The following GIN1 variants were observed in gnomAD, a reference collection of about 807,000 sequenced individuals.
GIN1 encodes the protein gypsy retrotransposon integrase-like protein 1.
Under a neutral mutation model 51.4 loss-of-function variants are expected in GIN1, and 41 were observed. The ratio of observed to expected loss-of-function variants is 0.80; its 90% CI spans 0.62 to 1.04. The LOEUF (loss-of-function observed/expected upper bound fraction) is 1.04. Among genes scored for constraint, GIN1 ranks in the 50% least tolerant of loss-of-function variants. The probability of loss-of-function intolerance (pLI) is 0.00; values close to 1 mark genes in which losing one functional copy is unlikely to be tolerated. For missense variants in GIN1, 610 were observed against 612.4 expected (o/e 1.00, Z 0.04); for synonymous variants, 222 against 206.5 (o/e 1.07, Z -0.64).
chr5:103,098,399 A>G (rs1169717031), intron 4 of GIN1, among the ~76,000 whole-genome samples: 1 of 152,214 alleles, frequency 6.6e-6, no homozygotes, highest in African/African-American at 2.4e-5. Context: ...TGAGAGATTA[A>G]GTGCCTTGCC....
Position 103,097,622 on chromosome 5 carries a change from C to A in GIN1, c.799G>T (p.Ala267Ser). 6.2e-7 allele frequency: 1 copy of A among 1,611,544 alleles called. No homozygotes were observed. The highest frequency in any genetic ancestry group is 2.2e-5 in the East Asian group (1 of 44,832). The change falls in exon 5 of 8, where the codon GCT becomes TCT. Residue 267 changes from alanine (A) to serine (S), a missense_variant. Coordinates refer to ENST00000399004, the MANE Select transcript of GIN1 (RefSeq NM_017676.2). ...HPNNWDDHLS[A>S]VSFAFNVTHL... ...GTTACATTGAAGGCAAATGAAACAG[C>A]TGATAGGTGATCATCCCAATTGTTT...
chr5:103,096,438 G>A, intron 7 of GIN1, 103 bp downstream of exon 7: 2 of 857,916 alleles, frequency 2.3e-6, no homozygotes, highest in Non-Finnish European at 3.7e-6. Context: ...TTATGAAGAA[G>A]GGAAAAGAAA....
intron 1 of GIN1, among the ~76,000 whole-genome samples, chr5:103,113,797 C>T (rs1366920505): frequency 1.3e-5 from 2 of 152,120 alleles, no homozygotes; most frequent in African/African-American, 2.4e-5. Flanking sequence ...GCTGGGCTTA[C>T]AGGTGTGAGC....
chr5:103,094,234 A>G (rs1469050472), intron 7 of GIN1, among the ~76,000 whole-genome samples: 2 of 152,194 alleles, frequency 1.3e-5, no homozygotes, highest in African/African-American at 4.8e-5. Context: ...TATTGAGGAA[A>G]AAGATGGCAG....
Position 103,096,785 on chromosome 5 carries a change from G to T in GIN1, c.1050C>A (p.Ile350=). 2 of 1,606,282 alleles carry T rather than the reference G, an allele frequency of 1.2e-6. No individual in the cohort carries two copies. Among genetic ancestry groups the T allele is most frequent in the Middle Eastern group, 1.7e-4 (1 of 6,034 alleles). Reference sequence around the variant, plus strand: ...ATTGTTTGGGTTTCTTTTTAACAATGATCTTGCTTTTATTTAGTTCATCCA... The same window carrying T: ...ATTGTTTGGGTTTCTTTTTAACAATTATCTTGCTTTTATTTAGTTCATCCA... The part of the protein sequence containing the change: ...NNLDELNKSK[I]IVKKKPKQLN... The change falls in exon 7 of 8, where the codon ATC becomes ATA. Residue 350 remains isoleucine (I), a synonymous_variant. Transcript: ENST00000399004.
In GIN1 at chr5:103,088,067, G is replaced by A; in HGVS notation, c.1400C>T (p.Ala467Val). 1 of 1,609,998 alleles carries A rather than the reference G, an allele frequency of 6.2e-7. No homozygotes were observed. The change falls in exon 8 of 8, where the codon GCA becomes GTA. Residue 467 changes from alanine to valine, a missense_variant. Coordinates refer to ENST00000399004, the MANE Select transcript of GIN1 (RefSeq NM_017676.2). ...AYQANILVED[A>V]TIGIVDNELL... ...TTCATTATCGACTATACCAATAGTT[G>A]CATCTTCCACCAGAATATTTGCTTG...
intron 1 of GIN1, among the ~76,000 whole-genome samples, chr5:103,119,246 C>T (rs1788252499): frequency 6.6e-6 from 1 of 152,152 alleles, no homozygotes; most frequent in African/African-American, 2.4e-5. Context: ...CCGCTGGTTC[C>T]ATCTTAAAAT....
chr5:103,102,147 T>G (rs187865721), intron 4 of GIN1: 116 of 152,322 alleles, frequency 7.6e-4, no homozygotes, highest in African/African-American at 2.7e-3. Flanking sequence ...TTTTTTCTGT[T>G]TCTACTTTAA....
At chr5:103,112,365 C>T (rs782384590) in intron 1 of GIN1, among the ~76,000 whole-genome samples, 9 of 152,152 alleles carry the variant, frequency 5.9e-5, no homozygotes, top group Non-Finnish European at 1.2e-4. Context: ...CACCTTGAAA[C>T]TTTAATTTAG....
intron 7 of GIN1, among the ~76,000 whole-genome samples, chr5:103,093,132 C>T (rs1488750894): frequency 3.3e-5 from 5 of 152,000 alleles, no homozygotes; most frequent in Admixed American, 1.3e-4. Flanking sequence ...GCATAATAGG[C>T]CCCTAAAGAT....
rs782609254 is a variant in GIN1 at position 103,087,853 on chromosome 5, G to A, written c.*45C>T. 1 of 799,176 alleles carries A rather than the reference G, an allele frequency of 1.3e-6. No homozygotes were observed. The highest frequency in any genetic ancestry group is 1.9e-6 in the Non-Finnish European group (1 of 517,106). 49.5% of individuals were successfully genotyped at this position (799,176 alleles called of 1,614,324 possible). A position where few individuals can be genotyped will look rare whatever the true frequency, so the allele number is the denominator to read the frequency against. On this transcript the variant is annotated 3_prime_UTR_variant, in exon 8 of 8. Transcript: ENST00000399004. ...TTTTTAATGAATAAGATATCATTAA[G>A]AATTTATATTCTAAACAAACAATTT...
At chr5:103,091,169 A>G (rs1475533915) in intron 7 of GIN1, among the ~76,000 whole-genome samples, 3 of 152,232 alleles carry the variant, frequency 2.0e-5, no homozygotes, top group African/African-American at 7.2e-5. Flanking sequence ...CTTTAATTTC[A>G]GTAAAGAGAT....
chr5:103,088,518 C>A (rs1243377190), intron 7 of GIN1, among the ~76,000 whole-genome samples: 2 of 152,128 alleles, frequency 1.3e-5, no homozygotes, highest in African/African-American at 4.8e-5. Context: ...TAAGGCTGTG[C>A]ACAGTGCCTC....
rs1554196343 is a variant in GIN1 at position 103,106,836 on chromosome 5, CT to C, written c.212del (p.Lys71ArgfsTer4). ...TTTCATGGCATTCTCTTAAGACTTT[CT>C]TTTTTTCCTCTTCTGAAACAATTAC... ...RLVIVSEEEK[K>X]KVLRECHEND... On this transcript the variant is annotated frameshift_variant, in exon 3 of 8. Transcript: ENST00000399004. LOFTEE classifies it high-confidence loss of function. The C allele has an allele frequency of 2.5e-6, 4 of 1,602,418 alleles. No individual in the cohort carries two copies. The highest frequency in any genetic ancestry group is 3.4e-5 in the Admixed American group (2 of 58,558).
At chr5:103,100,702 C>T (rs1413589717) in intron 4 of GIN1, among the ~76,000 whole-genome samples, 2 of 151,922 alleles carry the variant, frequency 1.3e-5, no homozygotes, top group Non-Finnish European at 2.9e-5. Context: ...CTATTGTTAC[C>T]TTTAGAAAAA....
chr5:103,100,686 T>C (rs1360366668), intron 4 of GIN1, among the ~76,000 whole-genome samples: 1 of 152,044 alleles, frequency 6.6e-6, no homozygotes, highest in Admixed American at 6.6e-5. Flanking sequence ...GCCACCATGC[T>C]TGGCCCTATT....
chr5:103,086,067 A>G lies in GIN1; in HGVS notation c.*1831T>C, dbSNP rs1000861992. 6 of 152,244 alleles carry G rather than the reference A, an allele frequency of 3.9e-5. No homozygotes were observed. Among genetic ancestry groups the G allele is most frequent in the Non-Finnish European group, 8.8e-5 (6 of 68,046 alleles). The allele number at this position is 152,244 out of a possible 1,614,324, so 9.4% of individuals were successfully genotyped here. A position where few individuals can be genotyped will look rare whatever the true frequency, so the allele number is the denominator to read the frequency against. On this transcript the variant is annotated 3_prime_UTR_variant, in exon 8 of 8. Coordinates refer to ENST00000399004, the MANE Select transcript of GIN1 (RefSeq NM_017676.2). Reference sequence around the variant, plus strand: ...CAAAAGTCTGAGATAAGGTATTGACAGGGTTGGTCTTCTGAGGAATGAGGA... The same window carrying G: ...CAAAAGTCTGAGATAAGGTATTGACGGGGTTGGTCTTCTGAGGAATGAGGA...
chr5:103,097,408 A>ACTTCAGATAGT lies in GIN1; in HGVS notation c.913_914insACTATCTGAAG (p.Val305AspfsTer17). 1 of 1,572,450 alleles carries ACTTCAGATAGT rather than the reference A, an allele frequency of 6.4e-7. No individual in the cohort carries two copies. Among genetic ancestry groups the ACTTCAGATAGT allele is most frequent in the Non-Finnish European group, 8.8e-7 (1 of 1,142,470 alleles). The stretch of plus-strand genomic sequence containing the variant: ...AAACATACTTGTATTATCACCATCC[A>ACTTCAGATAGT]CTTCATGAAGACTATCTGAAGTCTC... On this transcript the variant is annotated frameshift_variant, in exon 6 of 8. Coordinates refer to ENST00000399004, the MANE Select transcript of GIN1 (RefSeq NM_017676.2). LOFTEE classifies it high-confidence loss of function.
At chr5:103,109,260 G>C (rs1787809546) in intron 1 of GIN1, among the ~76,000 whole-genome samples, 1 of 151,986 alleles carries the variant, frequency 6.6e-6, no homozygotes, top group Non-Finnish European at 1.5e-5. Flanking sequence ...TCTATAGAAA[G>C]GAGCTCCATT....
Sources: gnomAD v4.1 joint callset for allele counts (sites outside exome capture counted in the v4.1 genomes callset) on GRCh38, gnomAD v4.1.1 for gene constraint, MANE v1.5 for transcripts, NCBI Gene and HGNC (gene_info 2026-07-23, HGNC 2026-07-21) for gene names.